Variants in NKAIN2 observed in about 807,000 individuals in gnomAD.
The protein encoded by NKAIN2 is sodium/potassium-transporting ATPase subunit beta-1-interacting protein 2.
Under a neutral mutation model 32.6 loss-of-function variants are expected in NKAIN2, and 14 were observed. The ratio of observed to expected loss-of-function variants is 0.43; its 90% CI spans 0.28 to 0.67. The LOEUF is 0.67. Ranked by LOEUF, NKAIN2 falls within the 30% of genes least tolerant of loss-of-function variation. The pLI is 0.17. For synonymous variants in NKAIN2, 80 were observed against 87.2 expected (o/e 0.92, Z 0.46); for missense variants, 198 against 258.3 (o/e 0.77, Z 1.60).
chr6:124,288,389 T>C (rs17051607), intron 2 of NKAIN2, among the ~76,000 whole-genome samples: 6,513 of 152,258 alleles, frequency 0.043, 464 homozygotes, highest in African/African-American at 0.15. Context: ...CATTACAGCA[T>C]TTGTGATTTC....
chr6:124,501,951 CA>C (rs1778308530), intron 3 of NKAIN2, among the ~76,000 whole-genome samples: 1 of 151,714 alleles, frequency 6.6e-6, no homozygotes, highest in African/African-American at 2.4e-5. Flanking sequence ...AAACAAATTA[CA>C]AAAAATAGCT....
At chr6:124,800,163 T>C (rs913147864) in intron 5 of NKAIN2, among the ~76,000 whole-genome samples, 13 of 152,192 alleles carry the variant, frequency 8.5e-5, no homozygotes, top group Non-Finnish European at 2.9e-5. Flanking sequence ...TCTTGACGAA[T>C]GATGCTGGCC....
At chr6:124,070,909 A>G (rs1783430621) in intron 1 of NKAIN2, among the ~76,000 whole-genome samples, 1 of 152,104 alleles carries the variant, frequency 6.6e-6, no homozygotes, top group Non-Finnish European at 1.5e-5. Context: ...CAAAAACAGC[A>G]TGGTACTGGC....
chr6:124,355,406 G>T (rs1798925478), intron 3 of NKAIN2, 59 bp downstream of exon 3: 1 of 905,854 alleles, frequency 1.1e-6, no homozygotes, highest in South Asian at 1.3e-5. Flanking sequence ...CTCTTCCTAA[G>T]TAAGGCAGAG....
intron 1 of NKAIN2, among the ~76,000 whole-genome samples, chr6:124,084,085 C>T (rs1380085742): frequency 6.6e-6 from 1 of 151,768 alleles, no homozygotes; most frequent in Non-Finnish European, 1.5e-5. Context: ...TTAGATTATC[C>T]CAGATTTCTA....
At chr6:124,814,654 C>T (rs905299727) in intron 5 of NKAIN2, among the ~76,000 whole-genome samples, 6 of 152,138 alleles carry the variant, frequency 3.9e-5, no homozygotes, top group African/African-American at 1.2e-4. Flanking sequence ...GCTCCATTCG[C>T]ATCACAGGCT....
At chr6:124,047,341 G>T (rs1380372402) in intron 1 of NKAIN2, among the ~76,000 whole-genome samples, 1 of 151,872 alleles carries the variant, frequency 6.6e-6, no homozygotes, top group East Asian at 1.9e-4. Flanking sequence ...TTAGTCTTTT[G>T]TTGAAAGTCA....
intron 4 of NKAIN2, among the ~76,000 whole-genome samples, chr6:124,779,283 G>GAGAGA (rs1240402173): frequency 9.0e-5 from 9 of 100,042 alleles, no homozygotes; most frequent in Non-Finnish European, 1.3e-4. Flanking sequence ...GAGAGAGAGA[G>GAGAGA]GAAGGCAGGA....
intron 1 of NKAIN2, among the ~76,000 whole-genome samples, chr6:124,193,715 G>C (rs570597682): frequency 1.7e-4 from 26 of 152,242 alleles, no homozygotes; most frequent in Admixed American, 7.2e-4. Context: ...ATGCAGACAA[G>C]TGGAGGGTGC....
At chr6:123,983,814 A>G (rs1779012873) in intron 1 of NKAIN2, among the ~76,000 whole-genome samples, 1 of 152,102 alleles carries the variant, frequency 6.6e-6, no homozygotes, top group Admixed American at 6.6e-5. Flanking sequence ...AGGAAATTTT[A>G]TGCAGTTGTT....
chr6:124,530,808 AG>A (rs1285482697), intron 3 of NKAIN2, among the ~76,000 whole-genome samples: 1 of 152,180 alleles, frequency 6.6e-6, no homozygotes, highest in East Asian at 1.9e-4. Flanking sequence ...TAATTTTTAG[AG>A]TCCAAAGCTC....
chr6:124,465,401 A>G (rs540788274), intron 3 of NKAIN2, among the ~76,000 whole-genome samples: 3 of 152,132 alleles, frequency 2.0e-5, no homozygotes, highest in Non-Finnish European at 2.9e-5. Context: ...CAAACACCAC[A>G]TGTTCGCACT....
At chr6:124,754,694 A>G (rs974139930) in intron 4 of NKAIN2, among the ~76,000 whole-genome samples, 9 of 152,084 alleles carry the variant, frequency 5.9e-5, no homozygotes, top group African/African-American at 1.9e-4. Context: ...TGGGAGTGCA[A>G]ATTAATTCAA....
At chr6:124,027,690 C>T (rs143647487) in intron 1 of NKAIN2, among the ~76,000 whole-genome samples, 105 of 151,416 alleles carry the variant, frequency 6.9e-4, no homozygotes, top group Admixed American at 3.1e-3. Flanking sequence ...ATCTCTTTCA[C>T]CTCAACTGAA....
chr6:124,056,102 G>C (rs1274958497), intron 1 of NKAIN2, among the ~76,000 whole-genome samples: 1 of 152,044 alleles, frequency 6.6e-6, no homozygotes, highest in African/African-American at 2.4e-5. Context: ...CAAATCCTAT[G>C]CCTAAACACA....
chr6:124,531,465 T>G (rs943838269), intron 3 of NKAIN2, among the ~76,000 whole-genome samples: 1 of 152,196 alleles, frequency 6.6e-6, no homozygotes, highest in African/African-American at 2.4e-5. Context: ...TTGTTGAGAT[T>G]TTTTACATCT....
chr6:124,676,102 A>G (rs1419459733), intron 4 of NKAIN2, among the ~76,000 whole-genome samples: 2 of 151,988 alleles, frequency 1.3e-5, no homozygotes, highest in African/African-American at 4.8e-5. Context: ...TCGAGAATGT[A>G]TTGCTTAATT....
chr6:124,724,136 T>C (rs1170314462), intron 4 of NKAIN2, among the ~76,000 whole-genome samples: 1 of 152,194 alleles, frequency 6.6e-6, no homozygotes, highest in African/African-American at 2.4e-5. Context: ...TGGCTGCCGT[T>C]TGTTCCAGTT....
At chr6:124,407,694 C>T (rs1234079520) in intron 3 of NKAIN2, among the ~76,000 whole-genome samples, 1 of 151,912 alleles carries the variant, frequency 6.6e-6, no homozygotes, top group Admixed American at 6.6e-5. Flanking sequence ...GATTTATAAT[C>T]CTTTGGGTAT....
Sources: gnomAD v4.1 joint callset for allele counts (sites outside exome capture counted in the v4.1 genomes callset) on GRCh38, gnomAD v4.1.1 for gene constraint, MANE v1.5 for transcripts, NCBI Gene and HGNC (gene_info 2026-07-23, HGNC 2026-07-21) for gene names.